The following PCDHA8 variants were observed in gnomAD, a reference collection of about 807,000 sequenced individuals.
PCDHA8 encodes the protein protocadherin alpha-8.
PCDHA8 carries 53 observed loss-of-function variants against 61.8 expected under a neutral mutation model. The ratio of observed to expected loss-of-function variants is 0.86; its 90% CI spans 0.69 to 1.08. PCDHA8 has a LOEUF of 1.08. Among genes scored for constraint, PCDHA8 ranks in the 50% least tolerant of loss-of-function variants. The pLI is 0.00. For missense variants in PCDHA8, 1,293 were observed against 1,245.0 expected (o/e 1.04, Z -0.58); for synonymous variants, 618 against 556.6 (o/e 1.11, Z -1.55).
intron 1 of PCDHA8, among the ~76,000 whole-genome samples, chr5:140,898,149 C>T (rs552851488): frequency 4.6e-4 from 70 of 152,244 alleles, no homozygotes; most frequent in African/African-American, 1.6e-3. Flanking sequence ...TGCCTGTTCA[C>T]GCTGATGGTG....
At position 140,856,153 on chromosome 5, in the gene PCDHA8, C is replaced by G. The variant is rs1554148270; in HGVS notation, c.2394+12438C>G. 8 of 1,598,310 alleles carry G rather than the reference C, an allele frequency of 5.0e-6. 1 individual carries two copies. Among genetic ancestry groups the G allele is most frequent in the Non-Finnish European group, 6.9e-6 (8 of 1,167,862 alleles). On this transcript the variant is annotated intron_variant, in intron 1 of 3. Transcript: ENST00000531613. The stretch of plus-strand genomic sequence containing the variant: ...GCGGCCAGCTCCACTACTCAGTCTA[C>G]GAGGAGGCCAGACACGGCACCTTCG...
chr5:140,854,688 G>A (rs1468709591), intron 1 of PCDHA8: 2 of 149,770 alleles, frequency 1.3e-5, no homozygotes, highest in Non-Finnish European at 3.0e-5. Context: ...TATGTCTGTT[G>A]TTAAGTTTTC....
At chr5:140,943,278 G>A (rs246067) in intron 1 of PCDHA8, among the ~76,000 whole-genome samples, 37,737 of 121,894 alleles carry the variant, frequency 0.31, 6,744 homozygotes, top group East Asian at 0.43. Flanking sequence ...AAAAAAAAAA[G>A]AAAGAAAGAA....
At chr5:140,866,296 A>T (rs2049269688) in intron 1 of PCDHA8, 4 of 152,164 alleles carry the variant, frequency 2.6e-5, no homozygotes, top group Admixed American at 2.6e-4. Flanking sequence ...ACAAGTATAG[A>T]TGTTGATATT....
At chr5:140,996,275 C>T (rs534624070) in intron 3 of PCDHA8, among the ~76,000 whole-genome samples, 43 of 152,224 alleles carry the variant, frequency 2.8e-4, no homozygotes, top group African/African-American at 8.7e-4. Flanking sequence ...GGGATTGCTG[C>T]CAAATTTCAA....
At chr5:140,886,905 A>G (rs2061220299) in intron 1 of PCDHA8, among the ~76,000 whole-genome samples, 2 of 152,010 alleles carry the variant, frequency 1.3e-5, no homozygotes, top group Admixed American at 1.3e-4. Flanking sequence ...TTTAATAAAT[A>G]CTTATTGAGT....
chr5:140,882,369 C>G (rs1554173809), intron 1 of PCDHA8: 4 of 1,614,104 alleles, frequency 2.5e-6, no homozygotes, highest in African/African-American at 1.3e-5. Flanking sequence ...CTCCACTACT[C>G]CGTCCCCGAG....
At chr5:140,879,740 T>C (rs1337276853) in intron 1 of PCDHA8, among the ~76,000 whole-genome samples, 5 of 152,200 alleles carry the variant, frequency 3.3e-5, no homozygotes, top group Admixed American at 1.3e-4. Flanking sequence ...ATCAAGGTGT[T>C]GTCAAGGCTA....
chr5:140,917,223 C>G (rs1351907671), intron 1 of PCDHA8, among the ~76,000 whole-genome samples: 3 of 150,934 alleles, frequency 2.0e-5, no homozygotes, highest in African/African-American at 7.3e-5. Context: ...TTTAGTGATA[C>G]GTTGTTAAAT....
intron 1 of PCDHA8, chr5:140,870,439 G>T (rs374343977): frequency 6.2e-7 from 1 of 1,614,244 alleles, no homozygotes; most frequent in African/African-American, 1.3e-5. Context: ...GGAGGTGGCC[G>T]ACGTGAACGA....
At chr5:140,989,582 G>A (rs1554250917) in intron 3 of PCDHA8, among the ~76,000 whole-genome samples, 1 of 152,200 alleles carries the variant, frequency 6.6e-6, no homozygotes, top group Non-Finnish European at 1.5e-5. Flanking sequence ...CCTGTCCTCA[G>A]CCTCACTGAC....
chr5:140,972,820 C>T (rs1247488574), intron 1 of PCDHA8, among the ~76,000 whole-genome samples: 1 of 151,962 alleles, frequency 6.6e-6, no homozygotes, highest in Non-Finnish European at 1.5e-5. Context: ...CGCGCCACCA[C>T]GCCTGGCTAA....
intron 2 of PCDHA8, chr5:140,982,257 G>A: frequency 1.2e-6 from 1 of 804,182 alleles, no homozygotes; most frequent in Admixed American, 3.3e-5. Context: ...TAGAACATGT[G>A]TGTTCCTGGA....
In PCDHA8 at chr5:140,841,226, G is replaced by C. The variant is rs892482314; in HGVS notation, c.-96G>C. The C allele has an allele frequency of 1.2e-5, 17 of 1,452,002 alleles. No homozygotes were observed. The highest frequency in any genetic ancestry group is 2.9e-5 in the African/African-American group (2 of 70,064). 89.9% of individuals were successfully genotyped at this position (1,452,002 alleles called of 1,614,324 possible). A position where few individuals can be genotyped will look rare whatever the true frequency, so the allele number is the denominator to read the frequency against. On this transcript the variant is annotated 5_prime_UTR_variant, in exon 1 of 4. Transcript: ENST00000531613. ...CATCTGTCTCTAAAGGCCGAACAAC[G>C]GGAGATGCAGCGGAATTGGATTAAA...
rs782411315 is a variant in PCDHA8, at chr5:140,883,596, T to G, written c.2394+39881T>G. ...CTGTGGGCCACGGCCAGCGTGTCGG[T>G]GGGGGTGGCCGACGTGAACGACAAC... On this transcript the variant is annotated intron_variant, in intron 1 of 3. Coordinates refer to ENST00000531613, the MANE Select transcript of PCDHA8 (RefSeq NM_018911.3). 1.0e-4 allele frequency: 167 copies of G among 1,613,676 alleles called. No homozygotes were observed. The highest frequency in any genetic ancestry group is 1.6e-4 in the Middle Eastern group (1 of 6,072).
intron 3 of PCDHA8, among the ~76,000 whole-genome samples, chr5:141,007,858 G>A (rs376865557): frequency 6.6e-6 from 1 of 152,116 alleles, no homozygotes; most frequent in African/African-American, 2.4e-5. Context: ...GTCCTTAAAG[G>A]TCTTTTCCTT....
chr5:140,847,275 C>T (rs1232934318), intron 1 of PCDHA8, among the ~76,000 whole-genome samples: 1 of 149,636 alleles, frequency 6.7e-6, no homozygotes, highest in Non-Finnish European at 1.5e-5. Flanking sequence ...GAAGGTTGAA[C>T]GGGAAGACAA....
intron 1 of PCDHA8, among the ~76,000 whole-genome samples, chr5:140,873,367 A>G (rs782242904): frequency 2.0e-5 from 3 of 152,174 alleles, no homozygotes; most frequent in Non-Finnish European, 2.9e-5. Context: ...GAATAACTGA[A>G]GATCTTTTAA....
intron 1 of PCDHA8, chr5:140,869,696 A>T: frequency 6.2e-7 from 1 of 1,613,472 alleles, no homozygotes; most frequent in Non-Finnish European, 8.5e-7. Context: ...ATTTTAAAGA[A>T]GTCTCTGGAT....
Sources: allele counts gnomAD v4.1 joint callset (sites outside exome capture counted in the v4.1 genomes callset), GRCh38; gene constraint gnomAD v4.1.1; transcripts MANE v1.5; gene names NCBI Gene and HGNC (gene_info 2026-07-23, HGNC 2026-07-21).